Variants in VPS39 observed in about 807,000 individuals in gnomAD.
The protein encoded by VPS39 is VPS39 subunit of HOPS complex.
Under a neutral mutation model 121.0 loss-of-function variants are expected in VPS39, and 70 were observed. The observed-to-expected ratio is 0.58, with a 90% CI of 0.48 to 0.71. VPS39 has a LOEUF of 0.71. Ranked by LOEUF, VPS39 falls within the 30% of genes least tolerant of loss-of-function variation. The pLI is 0.00. For missense variants in VPS39, 818 were observed against 1,051.5 expected (o/e 0.78, Z 3.07); for synonymous variants, 378 against 398.1 (o/e 0.95, Z 0.60).
intron 17 of VPS39, 50 bp downstream of exon 17, chr15:42,165,668 C>T (rs758594711): frequency 5.4e-6 from 8 of 1,494,530 alleles, no homozygotes; most frequent in Non-Finnish European, 7.5e-6. Context: ...ACCACGCAGT[C>T]CTGGATCCTG....
intron 2 of VPS39, among the ~76,000 whole-genome samples, chr15:42,199,046 G>C (rs1413954304): frequency 3.9e-5 from 6 of 152,136 alleles, no homozygotes; most frequent in Admixed American, 3.9e-4. Context: ...TTCCACAAGA[G>C]AGCTCTATTT....
intron 11 of VPS39, among the ~76,000 whole-genome samples, chr15:42,172,117 A>T (rs957335100): frequency 6.6e-6 from 1 of 152,226 alleles, no homozygotes; most frequent in African/African-American, 2.4e-5. Context: ...CAAGAGAGGA[A>T]GTCTGATGAA....
intron 1 of VPS39, among the ~76,000 whole-genome samples, chr15:42,207,271 C>T (rs2140898467): frequency 6.6e-6 from 1 of 152,160 alleles, no homozygotes; most frequent in Non-Finnish European, 1.5e-5. Context: ...TTTCTAGGAC[C>T]TAAACATTAA....
intron 12 of VPS39, among the ~76,000 whole-genome samples, chr15:42,169,469 G>A (rs1368544744): frequency 6.6e-6 from 1 of 151,964 alleles, no homozygotes; most frequent in Non-Finnish European, 1.5e-5. Flanking sequence ...ACTTTTTTTA[G>A]TTTCTATAAC....
intron 9 of VPS39, 47 bp downstream of exon 9, chr15:42,178,403 C>A: frequency 6.2e-7 from 1 of 1,613,882 alleles, no homozygotes; most frequent in East Asian, 2.2e-5. Context: ...GGTGACTTTA[C>A]AACTTTGGGA....
rs561620045 is a variant in VPS39 at position 42,173,638 on chromosome 15, C to T, written c.1090+85G>A. 5 of 1,533,252 alleles carry T rather than the reference C, an allele frequency of 3.3e-6. No individual in the cohort carries two copies. The Admixed American group carries it at 5.8e-5, about 18-fold the overall frequency. The allele number at this position is 1,533,252 out of a possible 1,614,324, so 95.0% of individuals were successfully genotyped here. A position where few individuals can be genotyped will look rare whatever the true frequency, so the allele number is the denominator to read the frequency against. The stretch of plus-strand genomic sequence containing the variant: ...GCTGAGCCTAAACCTTCTCCATTCT[C>T]AGAAGTCTGTTATCATTTCTCCCCA... On this transcript the variant is annotated intron_variant, in intron 11 of 24. Coordinates refer to ENST00000318006, the MANE Select transcript of VPS39 (RefSeq NM_015289.5).
chr15:42,191,943 C>T, intron 2 of VPS39: 3 of 1,172,784 alleles, frequency 2.6e-6, no homozygotes, highest in South Asian at 1.4e-5. Flanking sequence ...CAGCCCAAAG[C>T]ATCCTTAGAT....
chr15:42,158,916 T>G lies in VPS39; in HGVS notation c.*1838A>C, dbSNP rs1292044199. The G allele has an allele frequency of 1.3e-5, 2 of 152,158 alleles. No homozygotes were observed. Among genetic ancestry groups the G allele is most frequent in the Non-Finnish European group, 2.9e-5 (2 of 68,034 alleles). 9.4% of individuals were successfully genotyped at this position (152,158 alleles called of 1,614,324 possible). A position where few individuals can be genotyped will look rare whatever the true frequency, so the allele number is the denominator to read the frequency against. ...TTTATTCTATTGCTTCAAAGACAGT[T>G]TGTGAGAATGGAAGATAACAAGCAC... is the stretch of plus-strand genomic sequence containing the variant. On this transcript the variant is annotated 3_prime_UTR_variant, in exon 25 of 25. Coordinates refer to ENST00000318006, the MANE Select transcript of VPS39 (RefSeq NM_015289.5).
chr15:42,191,360 T>A, intron 3 of VPS39, 136 bp downstream of exon 3: 3 of 1,065,270 alleles, frequency 2.8e-6, no homozygotes, highest in Non-Finnish European at 4.2e-6. Context: ...ACATGATATA[T>A]GAGCAGACAC....
At chr15:42,204,656 T>G (rs1463127432) in intron 1 of VPS39, among the ~76,000 whole-genome samples, 1 of 152,040 alleles carries the variant, frequency 6.6e-6, no homozygotes, top group African/African-American at 2.4e-5. Context: ...TCTCAAAAAA[T>G]AATAATGAAA....
At chr15:42,192,933 C>A (rs1309116523) in intron 2 of VPS39, among the ~76,000 whole-genome samples, 1 of 152,192 alleles carries the variant, frequency 6.6e-6, no homozygotes, top group East Asian at 1.9e-4. Context: ...GCATGTGCCA[C>A]CATGCCCGGC....
chr15:42,179,611 AAATAAATAAAT>A (rs2049536194), intron 8 of VPS39, among the ~76,000 whole-genome samples: 1 of 137,258 alleles, frequency 7.3e-6, no homozygotes, highest in African/African-American at 2.9e-5. Context: ...ATAAATAAAT[AAATAAATAAAT>A]AAAATAAAAA....
rs770387607 is a variant in VPS39 at position 42,166,582 on chromosome 15, C to T, written c.1587G>A (p.Val529=). 3 of 1,614,250 alleles carry T rather than the reference C, an allele frequency of 1.9e-6. No homozygotes were observed. The highest frequency in any genetic ancestry group is 2.5e-6 in the Non-Finnish European group (3 of 1,180,052). ...ACTTACCCAGATGCTGCAGATACTG[C>T]ACTGTCCTCTCGTGGCCTTTCAGAG... The part of the protein sequence containing the change: ...NSPLKGHERT[V]QYLQHLGTEN... Residue 529 remains valine (V), a synonymous_variant, in exon 15 of 25, where the codon GTG becomes GTA. Coordinates refer to ENST00000318006, the MANE Select transcript of VPS39 (RefSeq NM_015289.5).
intron 12 of VPS39, among the ~76,000 whole-genome samples, chr15:42,169,079 T>G (rs1220224373): frequency 6.6e-6 from 1 of 152,178 alleles, no homozygotes; most frequent in Non-Finnish European, 1.5e-5. Context: ...ATAAAAAATT[T>G]TAAATCTAAA....
intron 12 of VPS39, among the ~76,000 whole-genome samples, chr15:42,168,200 C>T (rs1460556000): frequency 6.6e-6 from 1 of 152,238 alleles, no homozygotes; most frequent in African/African-American, 2.4e-5. Flanking sequence ...ATACTAGTGT[C>T]AGTTACTTCA....
intron 4 of VPS39, among the ~76,000 whole-genome samples, chr15:42,189,567 A>T (rs963772735): frequency 6.6e-6 from 1 of 151,796 alleles, no homozygotes; most frequent in Non-Finnish European, 1.5e-5. Flanking sequence ...TGTCTCTACT[A>T]AAAATACAAA....
rs551666623 is a variant in VPS39 at position 42,162,078 on chromosome 15, C to G, written c.2414G>C (p.Arg805Pro). ...AAGGTTCTTGAGCACTTGATTGAACCGTTTCTTTTGTGCATTTTCTTCCAA... is the reference window on the plus strand; with the variant it reads ...AAGGTTCTTGAGCACTTGATTGAACGGTTTCTTTTGTGCATTTTCTTCCAA... The part of the protein sequence containing the change: ...KVLEENAQKK[R>P]FNQVLKNLLH... Residue 805 changes from arginine to proline, a missense_variant, in exon 23 of 25, where the codon CGG (arginine) becomes CCG (proline). Physicochemically the swap from Arg to Pro is moderately radical, Grantham distance 103. Coordinates refer to ENST00000318006, the MANE Select transcript of VPS39 (RefSeq NM_015289.5). The G allele has an allele frequency of 6.2e-7, 1 of 1,614,144 alleles. No homozygotes were observed. The highest frequency in any genetic ancestry group is 8.5e-7 in the Non-Finnish European group (1 of 1,180,032).
chr15:42,166,693 C>G, intron 14 of VPS39, 44 bp from the exon 15 acceptor site: 1 of 1,614,040 alleles, frequency 6.2e-7, no homozygotes, highest in Non-Finnish European at 8.5e-7. Flanking sequence ...CTTTTCCCCA[C>G]GGGAGATTTC....
In VPS39 at chr15:42,161,761, G is replaced by A. The variant is rs755452044; in HGVS notation, c.2473C>T (p.Arg825Trp). ...HAEFLRVQEE[R>W]ILHQQVKCII... Reference sequence around the variant, plus strand: ...CACTTCACCTGCTGGTGTAAAATCCGCTCTTCCTGGACCTGGAAGAACAGG... The same window carrying A: ...CACTTCACCTGCTGGTGTAAAATCCACTCTTCCTGGACCTGGAAGAACAGG... The change falls in exon 24 of 25, where the codon CGG becomes TGG. Residue 825 changes from arginine (R) to tryptophan (W), a missense_variant. Physicochemically the swap from Arg to Trp is moderately radical, Grantham distance 101 (BLOSUM62 -3). Coordinates refer to ENST00000318006, the MANE Select transcript of VPS39 (RefSeq NM_015289.5). The A allele has an allele frequency of 4.3e-6, 7 of 1,614,090 alleles. No individual in the cohort carries two copies. The highest frequency in any genetic ancestry group is 2.7e-5 in the African/African-American group (2 of 75,044).
Sources: allele counts gnomAD v4.1 joint callset (sites outside exome capture counted in the v4.1 genomes callset), GRCh38; gene constraint gnomAD v4.1.1; transcripts MANE v1.5; gene names NCBI Gene and HGNC (gene_info 2026-07-23, HGNC 2026-07-21).